The following COLEC12 variants were observed in gnomAD, a reference collection of about 807,000 sequenced individuals.
COLEC12 encodes collectin-12.
A neutral mutation model predicts 71.1 loss-of-function variants in COLEC12; 33 were observed. The observed-to-expected ratio is 0.46, with a 90% CI of 0.35 to 0.62. The LOEUF is 0.62. COLEC12 is among the 20% of genes least tolerant of loss of function. COLEC12 has a pLI of 0.00. For synonymous variants in COLEC12, 350 were observed against 353.0 expected, an observed-to-expected ratio of 0.99 and a Z score of 0.10; for missense variants, 765 against 916.1, an observed-to-expected ratio of 0.84 and a Z score of 2.13.
intron 2 of COLEC12, among the ~76,000 whole-genome samples, chr18:369,384 TC>T (rs1186033103): frequency 1.7e-5 from 2 of 116,618 alleles, no homozygotes; most frequent in African/African-American, 6.6e-5. Flanking sequence ...GTGATACAGA[TC>T]TTTTTTTTTT....
intron 2 of COLEC12, among the ~76,000 whole-genome samples, chr18:441,533 G>A (rs189831874): frequency 1.4e-4 from 21 of 152,230 alleles, no homozygotes; most frequent in Non-Finnish European, 2.2e-4. Context: ...GGGCATTCAC[G>A]GCGATGGATC....
Position 357,536 on chromosome 18 carries a change from C to T in COLEC12, c.59-14G>A. 1 of 1,509,072 alleles carries T rather than the reference C, an allele frequency of 6.6e-7. No individual in the cohort carries two copies. Among genetic ancestry groups the T allele is most frequent in the South Asian group, 1.3e-5 (1 of 74,166 alleles). The allele number at this position is 1,509,072 out of a possible 1,614,324, so 93.5% of individuals were successfully genotyped here. ...CTTCCTGAATACCTGTAAGAGAAGT[C>T]AAATTTTAATAACAGTAAGCAAAGA... On this transcript the variant is annotated splice_polypyrimidine_tract_variant and intron_variant, in intron 2 of 9. Transcript: ENST00000400256.
At chr18:354,009 G>GGA (rs2143493330) in intron 3 of COLEC12, among the ~76,000 whole-genome samples, 1 of 152,332 alleles carries the variant, frequency 6.6e-6, no homozygotes, top group East Asian at 1.9e-4. Context: ...TTGAATTAAA[G>GGA]GAGATCCTTA....
chr18:489,385 C>T (rs9941423), intron 1 of COLEC12, among the ~76,000 whole-genome samples: 76,592 of 151,994 alleles, frequency 0.5, 19,954 homozygotes, highest in African/African-American at 0.62. Flanking sequence ...GGAGAATGCA[C>T]TGCACTAAAA....
chr18:353,665 C>T (rs554798315), intron 3 of COLEC12, among the ~76,000 whole-genome samples: 43 of 152,330 alleles, frequency 2.8e-4, no homozygotes, highest in African/African-American at 9.9e-4. Context: ...GCCCTGAGGA[C>T]AGAGCACAGA....
intron 8 of COLEC12, among the ~76,000 whole-genome samples, chr18:326,733 A>G (rs1316921973): frequency 6.6e-6 from 1 of 152,120 alleles, no homozygotes; most frequent in Non-Finnish European, 1.5e-5. Flanking sequence ...TACCACATGC[A>G]CCTGAAAAGA....
intron 2 of COLEC12, among the ~76,000 whole-genome samples, chr18:379,308 G>A (rs1440878891): frequency 6.6e-6 from 1 of 151,340 alleles, no homozygotes; most frequent in African/African-American, 2.4e-5. Flanking sequence ...TTTATTTTTT[G>A]TACAGATGGG....
intron 2 of COLEC12, among the ~76,000 whole-genome samples, chr18:458,808 G>A (rs79726873): frequency 0.037 from 5,558 of 152,264 alleles, 148 homozygotes; most frequent in East Asian, 0.1. Flanking sequence ...ACTGCACCTC[G>A]TGAACTTCTC....
At chr18:329,762 C>T (rs573744532) in intron 8 of COLEC12, among the ~76,000 whole-genome samples, 51 of 152,310 alleles carry the variant, frequency 3.3e-4, no homozygotes, top group Middle Eastern at 3.4e-3. Flanking sequence ...ATCAATATTT[C>T]GCCACATGTT....
intron 7 of COLEC12, among the ~76,000 whole-genome samples, chr18:332,438 G>A (rs1914004688): frequency 6.6e-6 from 1 of 152,208 alleles, no homozygotes; most frequent in Non-Finnish European, 1.5e-5. Context: ...GTCTCAGTCT[G>A]CATAAACCTT....
chr18:351,621 A>G (rs956686904), intron 3 of COLEC12, among the ~76,000 whole-genome samples: 12 of 152,108 alleles, frequency 7.9e-5, no homozygotes, highest in African/African-American at 2.9e-4. Flanking sequence ...AGGTTGGAGT[A>G]CAATGGAATG....
At chr18:368,842 GGC>G (rs1262340372) in intron 2 of COLEC12, among the ~76,000 whole-genome samples, 2 of 152,136 alleles carry the variant, frequency 1.3e-5, no homozygotes, top group Non-Finnish European at 2.9e-5. Context: ...CTCCAGCCTG[GGC>G]AACAGAGCGA....
At chr18:449,977 T>C (rs1432331546) in intron 2 of COLEC12, among the ~76,000 whole-genome samples, 2 of 152,236 alleles carry the variant, frequency 1.3e-5, no homozygotes, top group African/African-American at 4.8e-5. Context: ...ATATTTCTTA[T>C]CATTTTTAAA....
At chr18:449,311 G>A (rs1300689407) in intron 2 of COLEC12, among the ~76,000 whole-genome samples, 1 of 152,124 alleles carries the variant, frequency 6.6e-6, no homozygotes, top group African/African-American at 2.4e-5. Flanking sequence ...TAGTGTGAGA[G>A]GTTATCTTTG....
At chr18:495,310 T>C (rs1917689476) in intron 1 of COLEC12, among the ~76,000 whole-genome samples, 1 of 152,264 alleles carries the variant, frequency 6.6e-6, no homozygotes. Flanking sequence ...TATACTTCCC[T>C]GTTCCTGGTT....
chr18:470,809 T>C (rs1917181536), intron 2 of COLEC12, among the ~76,000 whole-genome samples: 1 of 152,210 alleles, frequency 6.6e-6, no homozygotes, highest in Admixed American at 6.5e-5. Context: ...AATATAGTTA[T>C]TTCTTACATA....
intron 2 of COLEC12, among the ~76,000 whole-genome samples, chr18:373,828 A>C (rs376879685): frequency 6.6e-6 from 1 of 152,162 alleles, no homozygotes; most frequent in African/African-American, 2.4e-5. Flanking sequence ...CCAGTACCGA[A>C]TGATGCCAAT....
At chr18:371,233 T>A (rs1914991672) in intron 2 of COLEC12, among the ~76,000 whole-genome samples, 1 of 152,200 alleles carries the variant, frequency 6.6e-6, no homozygotes. Context: ...AAATCTCATG[T>A]AGAACTGTGG....
rs115009250 is a variant in COLEC12, at chr18:413,185, G to A, written c.59-55663C>T. Among the ~76,000 whole-genome samples, 1,138 of 152,312 alleles carry A rather than the reference G, an allele frequency of 7.5e-3. 13 individuals carry two copies. Among genetic ancestry groups the A allele is most frequent in the African/African-American group, 0.026 (1,076 of 41,562 alleles). ...AAATGATCTCATTTGAATATGGGCAGAAGACATGAAGAGACATTTGACTGA... is the reference window on the plus strand; with the variant it reads ...AAATGATCTCATTTGAATATGGGCAAAAGACATGAAGAGACATTTGACTGA... On this transcript the variant is annotated intron_variant, in intron 2 of 9. Transcript: ENST00000400256.
Sources: gnomAD v4.1 joint callset for allele counts (sites outside exome capture counted in the v4.1 genomes callset) on GRCh38, gnomAD v4.1.1 for gene constraint, MANE v1.5 for transcripts, NCBI Gene and HGNC (gene_info 2026-07-23, HGNC 2026-07-21) for gene names.